The following SPIDR variants were observed in gnomAD, a reference collection of about 807,000 sequenced individuals.
The protein encoded by SPIDR is scaffold protein involved in DNA repair, also known as DNA repair-scaffolding protein.
Under a neutral mutation model 104.6 loss-of-function variants are expected in SPIDR, and 93 were observed. That is an observed-to-expected ratio of 0.89 (90% CI 0.75 to 1.06). The LOEUF is 1.06. Among genes scored for constraint, SPIDR ranks in the 50% least tolerant of loss-of-function variants. The pLI is 0.00. For synonymous variants in SPIDR, 431 were observed against 416.9 expected (o/e 1.03, Z -0.41); for missense variants, 1,154 against 1,111.2 (o/e 1.04, Z -0.55).
chr8:47,706,516 A>G (rs776282976), intron 14 of SPIDR, among the ~76,000 whole-genome samples: 2 of 152,204 alleles, frequency 1.3e-5, no homozygotes, highest in Non-Finnish European at 2.9e-5. Context: ...CACTTCTTGC[A>G]GTTTTGTCAC....
At chr8:47,414,841 T>C (rs6994360) in intron 7 of SPIDR, among the ~76,000 whole-genome samples, 4,351 of 152,306 alleles carry the variant, frequency 0.029, 217 homozygotes, top group African/African-American at 0.097. Context: ...GGATAAATGA[T>C]CAAATGATTT....
intron 19 of SPIDR, among the ~76,000 whole-genome samples, chr8:47,734,787 C>A (rs1327604946): frequency 6.6e-6 from 1 of 152,032 alleles, no homozygotes; most frequent in Non-Finnish European, 1.5e-5. Flanking sequence ...CTGGGACTAA[C>A]CAAAAAGAAT....
At chr8:47,684,269 C>G (rs1280411176) in intron 11 of SPIDR, among the ~76,000 whole-genome samples, 4 of 151,902 alleles carry the variant, frequency 2.6e-5, no homozygotes, top group Admixed American at 2.0e-4. Context: ...TCCCTCACTC[C>G]ACTACCTACT....
chr8:47,522,125 C>T (rs1483338692), intron 8 of SPIDR, among the ~76,000 whole-genome samples: 2 of 150,084 alleles, frequency 1.3e-5, no homozygotes, highest in African/African-American at 2.5e-5. Flanking sequence ...GATCGTGCCA[C>T]TGTACTCCAG....
intron 8 of SPIDR, among the ~76,000 whole-genome samples, chr8:47,593,492 A>G (rs531555990): frequency 1.1e-4 from 17 of 152,110 alleles, no homozygotes; most frequent in Non-Finnish European, 2.5e-4. Flanking sequence ...ATGTTATCTC[A>G]GTATTGACAT....
chr8:47,382,415 G>GT (rs1554645930), intron 5 of SPIDR, among the ~76,000 whole-genome samples: 1 of 152,096 alleles, frequency 6.6e-6, no homozygotes. Flanking sequence ...TAAATTTAAA[G>GT]TTTTTTCTCT....
intron 5 of SPIDR, chr8:47,294,514 A>G (rs1277685676): frequency 1.9e-5 from 3 of 153,974 alleles, no homozygotes; most frequent in African/African-American, 2.4e-5. Flanking sequence ...ATTAGGGGCT[A>G]GTAACATAGG....
At chr8:47,359,251 T>TAAA (rs2055218728) in intron 5 of SPIDR, among the ~76,000 whole-genome samples, 14 of 67,676 alleles carry the variant, frequency 2.1e-4, no homozygotes, top group African/African-American at 5.0e-4. Flanking sequence ...AGACTCCGTC[T>TAAA]CAAAAAAAAA....
chr8:47,374,072 T>C (rs2058369104), intron 5 of SPIDR, among the ~76,000 whole-genome samples: 1 of 152,254 alleles, frequency 6.6e-6, no homozygotes, highest in African/African-American at 2.4e-5. Flanking sequence ...TACTGAGACG[T>C]CTTTTTTTCT....
At chr8:47,300,437 TG>T (rs2041857087) in intron 5 of SPIDR, among the ~76,000 whole-genome samples, 1 of 152,206 alleles carries the variant, frequency 6.6e-6, no homozygotes, top group East Asian at 1.9e-4. Flanking sequence ...AAGGGTTTTT[TG>T]TGTCTCTATT....
At chr8:47,273,176 C>G (rs1387454712) in intron 1 of SPIDR, among the ~76,000 whole-genome samples, 1 of 152,152 alleles carries the variant, frequency 6.6e-6, no homozygotes, top group Non-Finnish European at 1.5e-5. Context: ...GAGACTGGCC[C>G]CACTTCAGAG....
chr8:47,546,346 T>C (rs985610356), intron 8 of SPIDR, among the ~76,000 whole-genome samples: 1 of 152,172 alleles, frequency 6.6e-6, no homozygotes, highest in Non-Finnish European at 1.5e-5. Flanking sequence ...GTTTGTATTT[T>C]TTCAAGGAAC....
chr8:47,344,229 T>G (rs2051390957), intron 5 of SPIDR, among the ~76,000 whole-genome samples: 1 of 151,994 alleles, frequency 6.6e-6, no homozygotes, highest in Admixed American at 6.6e-5. Flanking sequence ...TTTGGTTTTC[T>G]GTCCTTGCGA....
intron 19 of SPIDR, among the ~76,000 whole-genome samples, chr8:47,731,323 C>A (rs1313154753): frequency 1.3e-5 from 2 of 152,160 alleles, no homozygotes; most frequent in Admixed American, 6.5e-5. Flanking sequence ...TCCTCAGTGA[C>A]CCCGAGCTCC....
At chr8:47,577,543 T>G (rs1290852547) in intron 8 of SPIDR, among the ~76,000 whole-genome samples, 3 of 152,234 alleles carry the variant, frequency 2.0e-5, no homozygotes, top group Non-Finnish European at 4.4e-5. Context: ...TGGTGGGTTC[T>G]GCATCCACAA....
chr8:47,614,220 T>A (rs546599628), intron 10 of SPIDR, among the ~76,000 whole-genome samples: 3 of 152,288 alleles, frequency 2.0e-5, no homozygotes, highest in East Asian at 1.9e-4. Flanking sequence ...TCTTTTTTTT[T>A]TTATTTTTTA....
chr8:47,592,492 A>C lies in SPIDR; in HGVS notation c.1098-3319A>C. 5 of 1,425,608 alleles carry C rather than the reference A, an allele frequency of 3.5e-6. No individual in the cohort carries two copies. In the East Asian group the frequency reaches 9.1e-5, roughly 26 times the overall value. 88.3% of individuals were successfully genotyped at this position (1,425,608 alleles called of 1,614,324 possible). ...GGGGGAAGGAATCCTGAGAGCCAGC[A>C]ATGACCACATGAAAATAACAGGCAT... On this transcript the variant is annotated intron_variant, in intron 8 of 19. Coordinates refer to ENST00000297423, the MANE Select transcript of SPIDR (RefSeq NM_001080394.4).
intron 10 of SPIDR, among the ~76,000 whole-genome samples, chr8:47,647,616 AAGAGAGAGAGAGAGAGAGAGAGAGAGAG>A (rs369414271): frequency 1.7e-5 from 1 of 60,456 alleles, no homozygotes; most frequent in East Asian, 4.2e-4. Flanking sequence ...TCCATCTCGA[AAGAGAGAGAGAGAGAGAGAGAGAGAGAG>A]AGAGAGAGAG....
chr8:47,547,002 T>C, intron 8 of SPIDR: 1 of 510,116 alleles, frequency 2.0e-6, no homozygotes, highest in East Asian at 4.9e-5. Flanking sequence ...CCTCTCTCTG[T>C]GGGTAATGAC....
Sources: allele counts gnomAD v4.1 joint callset (sites outside exome capture counted in the v4.1 genomes callset), GRCh38; gene constraint gnomAD v4.1.1; transcripts MANE v1.5; gene names NCBI Gene and HGNC (gene_info 2026-07-23, HGNC 2026-07-21).